The following SLC9A7 variants were observed in gnomAD, a reference collection of about 807,000 sequenced individuals.
SLC9A7 encodes the protein sodium/hydrogen exchanger 7.
A neutral mutation model predicts 52.6 loss-of-function variants in SLC9A7; 19 were observed. The ratio of observed to expected loss-of-function variants is 0.36; its 90% CI spans 0.25 to 0.53. The LOEUF (loss-of-function observed/expected upper bound fraction) is 0.53. SLC9A7 is among the 20% of genes least tolerant of loss of function. The pLI is 0.91. For synonymous variants in SLC9A7, 226 were observed against 252.1 expected (o/e 0.90, Z 0.98); for missense variants, 455 against 597.9 (o/e 0.76, Z 2.49).
chrX:46,685,561 T>C (rs1602228528), intron 1 of SLC9A7: 1 of 111,569 alleles, frequency 9.0e-6, no homozygotes, highest in Middle Eastern at 4.6e-3. Flanking sequence ...TCACTGCTCA[T>C]GTTTGCGGTC....
intron 1 of SLC9A7, among the ~76,000 whole-genome samples, chrX:46,758,095 G>A (rs1350273505): frequency 1.8e-5 from 2 of 111,804 alleles, no homozygotes; most frequent in Non-Finnish European, 3.8e-5. Flanking sequence ...TCCTCGTCCA[G>A]GCCTGACATG....
At chrX:46,652,385 C>G (rs1943597792) in intron 8 of SLC9A7, among the ~76,000 whole-genome samples, 1 of 107,563 alleles carries the variant, frequency 9.3e-6, no homozygotes, top group Non-Finnish European at 1.9e-5. Flanking sequence ...CTCCTGAGCT[C>G]AAGGGATCCA....
At chrX:46,608,740 G>A (rs1942794551) in intron 16 of SLC9A7, among the ~76,000 whole-genome samples, 1 of 111,575 alleles carries the variant, frequency 9.0e-6, no homozygotes, top group African/African-American at 3.3e-5. Flanking sequence ...CCACCTCCCA[G>A]GTTCAAGCAA....
At chrX:46,726,547 C>T (rs1944948450) in intron 1 of SLC9A7, among the ~76,000 whole-genome samples, 1 of 110,997 alleles carries the variant, frequency 9.0e-6, no homozygotes, top group African/African-American at 3.3e-5. Context: ...TTCAGATCCC[C>T]TGCATCCCCA....
At chrX:46,749,575 T>C (rs976470149) in intron 1 of SLC9A7, among the ~76,000 whole-genome samples, 3 of 111,746 alleles carry the variant, frequency 2.7e-5, no homozygotes, top group Non-Finnish European at 5.6e-5. Flanking sequence ...TAACATTTTT[T>C]CCCCTAAAAC....
At chrX:46,701,566 G>A (rs759117661) in intron 1 of SLC9A7, among the ~76,000 whole-genome samples, 32 of 111,429 alleles carry the variant, frequency 2.9e-4, no homozygotes, top group African/African-American at 8.8e-4. Context: ...CAGCCTGGGC[G>A]ACAGAGCGAG....
At position 46,650,258 on chromosome X, in the gene SLC9A7, C is replaced by T. The variant is rs922992546; in HGVS notation, c.1350+852G>A. ...GTGAATGTCCAGCAATAGGGGACTG[C>T]GCTCAGTATCTTGAAATCAAGCCCC... is the stretch of plus-strand genomic sequence containing the variant. On this transcript the variant is annotated intron_variant, in intron 10 of 16. Coordinates refer to ENST00000616978, the MANE Select transcript of SLC9A7 (RefSeq NM_001257291.2). Among the ~76,000 whole-genome samples, 19 of 111,261 alleles carry T rather than the reference C, an allele frequency of 1.7e-4. No homozygotes were observed. The Admixed American group carries it at 1.7e-3, about 10-fold the overall frequency.
intron 1 of SLC9A7, among the ~76,000 whole-genome samples, chrX:46,715,249 T>C (rs1254888186): frequency 8.9e-6 from 1 of 112,028 alleles, no homozygotes; most frequent in East Asian, 2.8e-4. Context: ...AGTTCTTAAA[T>C]TATTCCCTCC....
intron 8 of SLC9A7, among the ~76,000 whole-genome samples, chrX:46,651,753 G>C (rs1282323398): frequency 9.2e-6 from 1 of 108,222 alleles, no homozygotes; most frequent in Non-Finnish European, 1.9e-5. Flanking sequence ...GCTTGAGCCT[G>C]GGAGGTCGAG....
rs1023995867 is a variant in SLC9A7 at position 46,705,757 on chromosome X, G to T, written c.326-23222C>A. Among the ~76,000 whole-genome samples, 4 of 111,898 alleles carry T rather than the reference G, an allele frequency of 3.6e-5. No homozygotes were observed. In the Admixed American group the frequency reaches 3.8e-4, roughly 11 times the overall value. On this transcript the variant is annotated intron_variant, in intron 1 of 16. Coordinates refer to ENST00000616978, the MANE Select transcript of SLC9A7 (RefSeq NM_001257291.2). The stretch of plus-strand genomic sequence containing the variant: ...AGACCGAGGTAGGAGGATCACTTGA[G>T]CCCAGGAGTTTGAGGCTGCAGTGAA...
At chrX:46,684,257 T>G (rs919547957) in intron 1 of SLC9A7, among the ~76,000 whole-genome samples, 9 of 112,133 alleles carry the variant, frequency 8.0e-5, no homozygotes, top group Non-Finnish European at 1.5e-4. Context: ...CAGGCTGGAG[T>G]GCAGTGGTGC....
rs1034936082 is a variant in SLC9A7, at chrX:46,602,275, A to G, written c.*4677T>C. 8.9e-6 allele frequency: 1 copy of G among 112,013 alleles called. No individual in the cohort carries two copies. The highest frequency in any genetic ancestry group is 1.9e-5 in the Non-Finnish European group (1 of 53,240). The allele number at this position is 112,013 out of a possible 1,213,427, so 9.2% of individuals were successfully genotyped here. A position where few individuals can be genotyped will look rare whatever the true frequency, so the allele number is the denominator to read the frequency against. Reference sequence around the variant, plus strand: ...TATGGAGTATGTTCTTGAGTTCTGCAAAGATTAGCATCAAACTCTCTCACA... The same window carrying G: ...TATGGAGTATGTTCTTGAGTTCTGCGAAGATTAGCATCAAACTCTCTCACA... On this transcript the variant is annotated 3_prime_UTR_variant, in exon 17 of 17. Coordinates refer to ENST00000616978, the MANE Select transcript of SLC9A7 (RefSeq NM_001257291.2).
chrX:46,738,091 GA>G (rs1162670953), intron 1 of SLC9A7, among the ~76,000 whole-genome samples: 1 of 62,522 alleles, frequency 1.6e-5, no homozygotes, highest in Non-Finnish European at 4.2e-5. Context: ...AAGAAAGAAA[GA>G]AAGAAAGAAA....
chrX:46,659,267 T>C (rs1191200539), intron 7 of SLC9A7, among the ~76,000 whole-genome samples: 2 of 108,336 alleles, frequency 1.8e-5, no homozygotes, highest in African/African-American at 6.8e-5. Flanking sequence ...GGCAATATCA[T>C]ACTGAATGGG....
chrX:46,689,462 G>T (rs773321860), intron 1 of SLC9A7, among the ~76,000 whole-genome samples: 5 of 111,854 alleles, frequency 4.5e-5, no homozygotes, highest in Non-Finnish European at 9.4e-5. Flanking sequence ...GAACACCCAT[G>T]AACAAGTTTT....
chrX:46,737,553 T>G (rs1438213294), intron 1 of SLC9A7, among the ~76,000 whole-genome samples: 3 of 112,174 alleles, frequency 2.7e-5, no homozygotes, highest in African/African-American at 9.7e-5. Context: ...CTTTTTGTAA[T>G]GATGACAGCT....
chrX:46,670,165 T>C (rs952701540), intron 4 of SLC9A7, among the ~76,000 whole-genome samples: 4 of 111,132 alleles, frequency 3.6e-5, no homozygotes, highest in African/African-American at 1.3e-4. Context: ...GAGAAAAAAA[T>C]GGGTTGGTCA....
intron 10 of SLC9A7, 29 bp from the exon 11 acceptor site, chrX:46,648,826 C>G: frequency 9.4e-7 from 1 of 1,061,442 alleles, no homozygotes; most frequent in Non-Finnish European, 1.3e-6. Context: ...GTTAAGGGAC[C>G]AACAGTTTCC....
intron 4 of SLC9A7, among the ~76,000 whole-genome samples, chrX:46,672,182 C>T (rs770861537): frequency 6.3e-5 from 7 of 111,696 alleles, no homozygotes; most frequent in Admixed American, 2.9e-4. Context: ...TGACATCCCC[C>T]ACATTCTTTT....
Sources: allele counts gnomAD v4.1 joint callset (sites outside exome capture counted in the v4.1 genomes callset), GRCh38; gene constraint gnomAD v4.1.1; transcripts MANE v1.5; gene names NCBI Gene and HGNC (gene_info 2026-07-23, HGNC 2026-07-21).